The following ETV6 variants were observed in gnomAD, a reference collection of about 807,000 sequenced individuals.
ETV6 encodes the protein transcription factor ETV6.
ETV6 carries 16 observed loss-of-function variants against 51.1 expected under a neutral mutation model. The observed-to-expected ratio is 0.31, with a 90% confidence interval of 0.21 to 0.48. The LOEUF (loss-of-function observed/expected upper bound fraction) is 0.48, where lower values mean the gene tolerates loss of function less well. Among genes scored for constraint, ETV6 ranks in the 20% least tolerant of loss-of-function variants. ETV6 has a pLI of 0.99. For missense variants in ETV6, 458 were observed against 594.8 expected, an observed-to-expected ratio of 0.77 and a Z score of 2.39; for synonymous variants, 240 against 224.1, an observed-to-expected ratio of 1.07 and a Z score of -0.64.
intron 1 of ETV6, among the ~76,000 whole-genome samples, chr12:11,669,183 T>C (rs1267747140): frequency 1.3e-5 from 2 of 152,252 alleles, no homozygotes; most frequent in African/African-American, 4.8e-5. Flanking sequence ...TCAAAATGAC[T>C]GTTCACAAAT....
At chr12:11,888,464 C>T (rs376669299) in intron 7 of ETV6, among the ~76,000 whole-genome samples, 1 of 148,314 alleles carries the variant, frequency 6.7e-6, no homozygotes, top group Non-Finnish European at 1.5e-5. Flanking sequence ...GGCACAATCT[C>T]GACTCACTGG....
rs144574900 is a variant in ETV6, at chr12:11,715,206, A to G, written c.34-37244A>G. 9.0e-4 allele frequency among the ~76,000 whole-genome samples: 137 copies of G among 152,320 alleles called. 1 individual carries two copies. Among genetic ancestry groups the G allele is most frequent in the African/African-American group, 3.2e-3 (132 of 41,554 alleles). On this transcript the variant is annotated intron_variant, in intron 1 of 7. Transcript: ENST00000396373. ...GGAAATATAGGCTATTTCTCTTTTCACTGGCCTTTAGATAGACTGGATTAG... is the reference window on the plus strand; with the variant it reads ...GGAAATATAGGCTATTTCTCTTTTCGCTGGCCTTTAGATAGACTGGATTAG...
chr12:11,741,545 G>A (rs2121021082), intron 1 of ETV6, among the ~76,000 whole-genome samples: 1 of 152,314 alleles, frequency 6.6e-6, no homozygotes, highest in South Asian at 2.1e-4. Context: ...GGAAAGTGAA[G>A]CTGAGAAGCC....
At chr12:11,656,299 T>C (rs1053677500) in intron 1 of ETV6, among the ~76,000 whole-genome samples, 2 of 152,216 alleles carry the variant, frequency 1.3e-5, no homozygotes, top group Admixed American at 1.3e-4. Context: ...ACTGTGGGAC[T>C]CTAATTCCAA....
intron 1 of ETV6, among the ~76,000 whole-genome samples, chr12:11,697,994 T>G (rs1197199134): frequency 6.6e-6 from 1 of 152,146 alleles, no homozygotes; most frequent in Non-Finnish European, 1.5e-5. Flanking sequence ...GAAAATAAAT[T>G]GAAAACAAAA....
chr12:11,788,398 A>C (rs1945521019), intron 2 of ETV6, among the ~76,000 whole-genome samples: 1 of 152,214 alleles, frequency 6.6e-6, no homozygotes, highest in Non-Finnish European at 1.5e-5. Context: ...ACCACCTGTT[A>C]AAAAGTGGTC....
At chr12:11,730,090 A>T (rs1422293976) in intron 1 of ETV6, among the ~76,000 whole-genome samples, 2 of 151,966 alleles carry the variant, frequency 1.3e-5, no homozygotes. Flanking sequence ...GGTGCATTTT[A>T]CTCCCTCTGT....
chr12:11,718,884 G>C (rs1015308725), intron 1 of ETV6, among the ~76,000 whole-genome samples: 1 of 152,358 alleles, frequency 6.6e-6, no homozygotes, highest in African/African-American at 2.4e-5. Context: ...AACAATCACT[G>C]TGAGGGCTGA....
At chr12:11,750,063 A>G (rs1025004984) in intron 1 of ETV6, among the ~76,000 whole-genome samples, 1 of 152,196 alleles carries the variant, frequency 6.6e-6, no homozygotes, top group Admixed American at 6.5e-5. Flanking sequence ...AGTTTTCATC[A>G]TGAAATAGCA....
chr12:11,688,215 A>T (rs2541143), intron 1 of ETV6, among the ~76,000 whole-genome samples: 23,060 of 152,138 alleles, frequency 0.15, 2,060 homozygotes, highest in African/African-American at 0.24. Flanking sequence ...CGACCACCTC[A>T]TGGAAGAGTC....
At chr12:11,666,873 C>T (rs552475847) in intron 1 of ETV6, among the ~76,000 whole-genome samples, 116 of 152,288 alleles carry the variant, frequency 7.6e-4, no homozygotes, top group African/African-American at 2.5e-3. Flanking sequence ...TCTTGGCTGC[C>T]GGTGGGTCAG....
intron 2 of ETV6, among the ~76,000 whole-genome samples, chr12:11,765,397 C>A (rs1296101517): frequency 6.6e-6 from 1 of 152,016 alleles, no homozygotes; most frequent in Non-Finnish European, 1.5e-5. Flanking sequence ...GATACGCAGT[C>A]TCAGGTTCAA....
Position 11,747,392 on chromosome 12 carries a change from C to T in ETV6, c.34-5058C>T, listed in dbSNP as rs905040799. On this transcript the variant is annotated intron_variant, in intron 1 of 7. Coordinates refer to ENST00000396373, the MANE Select transcript of ETV6 (RefSeq NM_001987.5). ...CCATCTTGGATGTCTAAACCATCTTCTGGTAACTCTCTGGATGAAAAGAAA... is the reference window on the plus strand; with the variant it reads ...CCATCTTGGATGTCTAAACCATCTTTTGGTAACTCTCTGGATGAAAAGAAA... 2.6e-5 allele frequency among the ~76,000 whole-genome samples: 4 copies of T among 152,256 alleles called. No homozygotes were observed. The East Asian group carries it at 7.7e-4, about 29-fold the overall frequency.
chr12:11,892,750 T>C lies in ETV6; in HGVS notation c.*1704T>C, dbSNP rs953760501. 4.3e-6 allele frequency: 1 copy of C among 232,846 alleles called. No individual in the cohort carries two copies. The highest frequency in any genetic ancestry group is 8.5e-6 in the Non-Finnish European group (1 of 117,826). 14.4% of individuals were successfully genotyped at this position (232,846 alleles called of 1,614,324 possible). A position where few individuals can be genotyped will look rare whatever the true frequency, so the allele number is the denominator to read the frequency against. On this transcript the variant is annotated 3_prime_UTR_variant, in exon 8 of 8. Coordinates refer to ENST00000396373, the MANE Select transcript of ETV6 (RefSeq NM_001987.5). ...CCAGACCCCTGGGCTTCTCCCCAGC[T>C]TTTTCTGAGTTGAGTCAGACATGTA...
At chr12:11,664,082 A>G (rs945960117) in intron 1 of ETV6, among the ~76,000 whole-genome samples, 7 of 152,214 alleles carry the variant, frequency 4.6e-5, no homozygotes, top group African/African-American at 1.2e-4. Context: ...CACGTTGGCA[A>G]AGCAGGGTTC....
intron 4 of ETV6, among the ~76,000 whole-genome samples, chr12:11,859,222 A>C (rs1482385132): frequency 3.1e-5 from 4 of 128,248 alleles, no homozygotes; most frequent in African/African-American, 1.2e-4. Context: ...GTTCACTGCA[A>C]GCTCCACCTC....
At chr12:11,846,713 TATC>T (rs1162806688) in intron 3 of ETV6, among the ~76,000 whole-genome samples, 2 of 152,034 alleles carry the variant, frequency 1.3e-5, no homozygotes, top group Admixed American at 1.3e-4. Context: ...GGAGAGTAAA[TATC>T]ATGGGATACA....
chr12:11,829,283 T>C (rs1946206165), intron 2 of ETV6, among the ~76,000 whole-genome samples: 1 of 152,212 alleles, frequency 6.6e-6, no homozygotes, highest in African/African-American at 2.4e-5. Flanking sequence ...CAAAATGCAT[T>C]GAGCACTTGC....
chr12:11,749,285 CCATACACACACACACACACACACACACA>C (rs1295553975), intron 1 of ETV6, among the ~76,000 whole-genome samples: 1 of 75,356 alleles, frequency 1.3e-5, no homozygotes, highest in Non-Finnish European at 2.6e-5. Flanking sequence ...GTTATCCCCC[CCATACACACACACACACACACACACACA>C]CACACACACA....
Sources: gnomAD v4.1 joint callset for allele counts (sites outside exome capture counted in the v4.1 genomes callset) on GRCh38, gnomAD v4.1.1 for gene constraint, MANE v1.5 for transcripts, NCBI Gene and HGNC (gene_info 2026-07-23, HGNC 2026-07-21) for gene names.